The following ERBB4 variants were observed in gnomAD, a reference collection of about 807,000 sequenced individuals.
ERBB4 encodes the protein erb-b2 receptor tyrosine kinase 4.
A neutral mutation model predicts 158.0 loss-of-function variants in ERBB4; 42 were observed. The observed-to-expected ratio is 0.27, with a 90% CI of 0.21 to 0.34. The LOEUF (loss-of-function observed/expected upper bound fraction) is 0.34, where lower values mean the gene tolerates loss of function less well. Among genes scored for constraint, ERBB4 ranks in the 10% least tolerant of loss-of-function variants. The pLI is 1.00. For synonymous variants in ERBB4, 583 were observed against 558.7 expected, an observed-to-expected ratio of 1.04 and a Z score of -0.61; for missense variants, 1,333 against 1,624.1, an observed-to-expected ratio of 0.82 and a Z score of 3.08.
intron 18 of ERBB4, among the ~76,000 whole-genome samples, chr2:211,621,145 G>A (rs1175380240): frequency 6.6e-6 from 1 of 151,054 alleles, no homozygotes; most frequent in Non-Finnish European, 1.5e-5. Flanking sequence ...AATTAAATAA[G>A]AATATAAATT....
intron 19 of ERBB4, among the ~76,000 whole-genome samples, chr2:211,591,168 A>G (rs2125792108): frequency 6.6e-6 from 1 of 152,328 alleles, no homozygotes; most frequent in African/African-American, 2.4e-5. Context: ...AGCTAATTGG[A>G]GCATCATTAT....
In ERBB4 at chr2:211,673,181, G is replaced by A. The variant is rs777951183; in HGVS notation, c.1699C>T (p.Leu567Phe). Residue 567 changes from leucine (L) to phenylalanine (F), a missense_variant, in exon 14 of 28, where the codon CTC (leucine) becomes TTC (phenylalanine). By Grantham distance (22) the Leu-to-Phe change is conservative. Coordinates refer to ENST00000342788, the MANE Select transcript of ERBB4 (RefSeq NM_005235.3). ...PQCEKMEDGL[L>F]TCHGPGPDNC... ...AGGCTTACCGGTCCATGGCATGTGAGGAGGCCATCTTCCATCTTCTCACAC... is the reference window on the plus strand; with the variant it reads ...AGGCTTACCGGTCCATGGCATGTGAAGAGGCCATCTTCCATCTTCTCACAC... The A allele has an allele frequency of 2.0e-5, 32 of 1,612,726 alleles. No homozygotes were observed. The highest frequency in any genetic ancestry group is 2.5e-5 in the Non-Finnish European group (30 of 1,178,958).
chr2:211,543,911 T>C (rs2066877258), intron 20 of ERBB4, among the ~76,000 whole-genome samples: 1 of 151,560 alleles, frequency 6.6e-6, no homozygotes, highest in Admixed American at 6.6e-5. Context: ...GATGAAAATG[T>C]GAGTATTTTG....
chr2:211,547,645 C>G (rs1331559717), intron 20 of ERBB4, among the ~76,000 whole-genome samples: 1 of 151,996 alleles, frequency 6.6e-6, no homozygotes, highest in Non-Finnish European at 1.5e-5. Context: ...CTCCTAAAAT[C>G]TGCTACAATA....
chr2:212,443,785 C>T (rs759148872), intron 1 of ERBB4, among the ~76,000 whole-genome samples: 29 of 152,108 alleles, frequency 1.9e-4, no homozygotes, highest in Non-Finnish European at 3.8e-4. Context: ...ACAGCAGAGG[C>T]CTCTAGAATT....
At position 212,413,551 on chromosome 2, in the gene ERBB4, T is replaced by C. The variant is rs1036912286; in HGVS notation, c.82+124898A>G. ...TTGGAAGAATACAACTGTAAAACAG[T>C]TCTATGGTTTGTATACCTTATTTGT... On this transcript the variant is annotated intron_variant, in intron 1 of 27. Coordinates refer to ENST00000342788, the MANE Select transcript of ERBB4 (RefSeq NM_005235.3). Among the ~76,000 whole-genome samples, 5 of 152,240 alleles carry C rather than the reference T, an allele frequency of 3.3e-5. No individual in the cohort carries two copies. In the East Asian group the frequency reaches 5.8e-4, roughly 18 times the overall value.
At chr2:212,033,024 C>T (rs1339593321) in intron 2 of ERBB4, among the ~76,000 whole-genome samples, 1 of 151,838 alleles carries the variant, frequency 6.6e-6, no homozygotes, top group African/African-American at 2.4e-5. Flanking sequence ...TGATAGGAAA[C>T]TGGGAAAGGA....
chr2:211,977,121 C>T (rs1391030825), intron 2 of ERBB4, among the ~76,000 whole-genome samples: 4 of 152,140 alleles, frequency 2.6e-5, no homozygotes, highest in Non-Finnish European at 5.9e-5. Flanking sequence ...CATCCTATGT[C>T]TCTTCCCCTA....
At chr2:212,142,153 T>C (rs990447043) in intron 1 of ERBB4, among the ~76,000 whole-genome samples, 7 of 152,192 alleles carry the variant, frequency 4.6e-5, no homozygotes, top group East Asian at 1.9e-4. Flanking sequence ...CAGACTAGCA[T>C]TGACCTGTGT....
rs573222925 is a variant in ERBB4, at chr2:211,469,126, A to G, written c.2488-38026T>C. ...GGAAACTCTGCTCGTAAGCCCCTTCAGACAAAGAATCAAGCAGCAGCTGCT... is the reference window on the plus strand; with the variant it reads ...GGAAACTCTGCTCGTAAGCCCCTTCGGACAAAGAATCAAGCAGCAGCTGCT... On this transcript the variant is annotated intron_variant, in intron 20 of 27. Transcript: ENST00000342788. Among the ~76,000 whole-genome samples the G allele has an allele frequency of 4.0e-4, 61 of 152,192 alleles. 1 individual carries two copies. Among genetic ancestry groups the G allele is most frequent in the African/African-American group, 1.4e-3 (59 of 41,548 alleles).
chr2:211,762,482 A>G (rs1199772510), intron 4 of ERBB4, among the ~76,000 whole-genome samples: 1 of 152,202 alleles, frequency 6.6e-6, no homozygotes, highest in Admixed American at 6.5e-5. Context: ...AAAAGAAGGC[A>G]GGAAATATTT....
At chr2:211,492,790 C>T (rs546419540) in intron 20 of ERBB4, among the ~76,000 whole-genome samples, 3 of 152,182 alleles carry the variant, frequency 2.0e-5, no homozygotes, top group African/African-American at 7.2e-5. Context: ...GTAATAATAA[C>T]ATTAGAAATA....
intron 2 of ERBB4, among the ~76,000 whole-genome samples, chr2:212,006,106 T>G (rs778018593): frequency 1.3e-5 from 2 of 152,160 alleles, no homozygotes; most frequent in Non-Finnish European, 2.9e-5. Flanking sequence ...TCAAAAATGT[T>G]CACCTAACCA....
At chr2:212,125,006 T>C (rs1432727365) in intron 1 of ERBB4, 103 bp from the exon 2 acceptor site, 10 of 1,338,354 alleles carry the variant, frequency 7.5e-6, no homozygotes, top group African/African-American at 2.9e-5. Context: ...CCTATCCCAG[T>C]TCTCTGAATA....
intron 3 of ERBB4, among the ~76,000 whole-genome samples, chr2:211,792,770 C>T (rs2076304063): frequency 6.6e-6 from 1 of 151,888 alleles, no homozygotes; most frequent in African/African-American, 2.4e-5. Context: ...ATTCACTCCA[C>T]AAAGGTTAAC....
At chr2:211,897,139 C>A (rs2079118006) in intron 3 of ERBB4, among the ~76,000 whole-genome samples, 1 of 150,908 alleles carries the variant, frequency 6.6e-6, no homozygotes, top group Non-Finnish European at 1.5e-5. Context: ...TAAGATTGCA[C>A]TAATAAAAAT....
At chr2:212,386,222 T>C (rs1229412403) in intron 1 of ERBB4, among the ~76,000 whole-genome samples, 3 of 152,060 alleles carry the variant, frequency 2.0e-5, no homozygotes, top group Admixed American at 6.6e-5. Flanking sequence ...TAAACACTTA[T>C]TGCCAAACTT....
rs543667917 is a variant in ERBB4, at chr2:211,734,557, A to T, written c.623-9363T>A. Among the ~76,000 whole-genome samples the T allele has an allele frequency of 4.6e-5, 7 of 151,262 alleles. No individual in the cohort carries two copies. The East Asian group carries it at 1.4e-3, about 29-fold the overall frequency. The stretch of plus-strand genomic sequence containing the variant: ...ATAATACAATGTAACCTAAATGTCC[A>T]CTAATGAGGAATTGGTTAAGTAAAT... On this transcript the variant is annotated intron_variant, in intron 5 of 27. Transcript: ENST00000342788.
intron 25 of ERBB4, among the ~76,000 whole-genome samples, chr2:211,405,299 A>G (rs890108178): frequency 6.6e-6 from 1 of 152,136 alleles, no homozygotes; most frequent in Non-Finnish European, 1.5e-5. Context: ...TCCGTTCGTG[A>G]ATTTCAGGTT....
Sources: gnomAD v4.1 joint callset for allele counts (sites outside exome capture counted in the v4.1 genomes callset) on GRCh38, gnomAD v4.1.1 for gene constraint, MANE v1.5 for transcripts, NCBI Gene and HGNC (gene_info 2026-07-23, HGNC 2026-07-21) for gene names.